LINGO2: variants seen among roughly 807,000 people sequenced by gnomAD.
LINGO2 encodes leucine-rich repeat and immunoglobulin-like domain-containing nogo receptor-interacting protein 2.
Under a neutral mutation model 30.6 loss-of-function variants are expected in LINGO2, and 14 were observed. The observed-to-expected ratio is 0.46, with a 90% CI of 0.30 to 0.72. The LOEUF (loss-of-function observed/expected upper bound fraction) is 0.72. LINGO2 is among the 30% of genes least tolerant of loss of function. The probability of loss-of-function intolerance (pLI) is 0.07; values close to 1 mark genes in which losing one functional copy is unlikely to be tolerated. For missense variants in LINGO2, 729 were observed against 751.7 expected (o/e 0.97, Z 0.35); for synonymous variants, 317 against 288.5 (o/e 1.10, Z -1.00).
At chr9:28,847,501 T>C in the LINGO2 span, among the ~76,000 whole-genome samples, 1 of 146,970 alleles carries the variant, frequency 6.8e-6, no homozygotes, top group Non-Finnish European at 1.5e-5. Context: ...GATCATGTCT[T>C]TTCTTCCTTC....
intron 2 of LINGO2, among the ~76,000 whole-genome samples, chr9:28,386,000 T>G (rs367608169): frequency 1.3e-5 from 2 of 152,176 alleles, no homozygotes; most frequent in East Asian, 3.9e-4. Flanking sequence ...AGCAGATAAT[T>G]GCCTTTGAGA....
At chr9:28,400,852 A>G (rs1342713584) in intron 2 of LINGO2, among the ~76,000 whole-genome samples, 1 of 152,292 alleles carries the variant, frequency 6.6e-6, no homozygotes, top group South Asian at 2.1e-4. Flanking sequence ...AATTCAACAT[A>G]TGAGGGTGTT....
the LINGO2 span, among the ~76,000 whole-genome samples, chr9:29,117,173 A>T: frequency 6.6e-6 from 1 of 152,186 alleles, no homozygotes; most frequent in Admixed American, 6.5e-5. Context: ...TGTAACATAA[A>T]TGATTGTTGA....
the LINGO2 span, among the ~76,000 whole-genome samples, chr9:29,065,593 A>G: frequency 6.6e-6 from 1 of 151,950 alleles, no homozygotes; most frequent in Admixed American, 6.6e-5. Flanking sequence ...ATGTGGCTAT[A>G]TTTCTTAACC....
At chr9:28,721,729 C>A in the LINGO2 span, among the ~76,000 whole-genome samples, 1 of 151,778 alleles carries the variant, frequency 6.6e-6, no homozygotes, top group Non-Finnish European at 1.5e-5. Context: ...AAAACCTAGA[C>A]AACCAGTTGA....
At chr9:27,953,005 A>G (rs1416975900) in intron 5 of LINGO2, among the ~76,000 whole-genome samples, 1 of 152,156 alleles carries the variant, frequency 6.6e-6, no homozygotes, top group Non-Finnish European at 1.5e-5. Context: ...ATAGAAAATT[A>G]GGAAATGAGT....
chr9:28,887,983 T>A, the LINGO2 span, among the ~76,000 whole-genome samples: 3 of 152,120 alleles, frequency 2.0e-5, no homozygotes, highest in Non-Finnish European at 4.4e-5. Flanking sequence ...ATGTAAGAAC[T>A]TCATTGAATG....
chr9:28,296,332 A>G (rs1260900949), intron 3 of LINGO2, among the ~76,000 whole-genome samples: 2 of 152,150 alleles, frequency 1.3e-5, no homozygotes, highest in Admixed American at 6.5e-5. Flanking sequence ...TTTTATAACT[A>G]TAACAACCAT....
intron 4 of LINGO2, among the ~76,000 whole-genome samples, chr9:28,052,071 G>A (rs1193871186): frequency 1.3e-5 from 2 of 152,058 alleles, no homozygotes; most frequent in Non-Finnish European, 2.9e-5. Flanking sequence ...ATGCTAAGGA[G>A]CTTTGAATTT....
intron 4 of LINGO2, among the ~76,000 whole-genome samples, chr9:28,222,395 C>A (rs1012710889): frequency 6.6e-6 from 1 of 151,894 alleles, no homozygotes; most frequent in Non-Finnish European, 1.5e-5. Context: ...AATCGAATAC[C>A]TATATGTGCT....
chr9:28,655,588 A>G (rs1828300437), intron 1 of LINGO2, among the ~76,000 whole-genome samples: 1 of 152,136 alleles, frequency 6.6e-6, no homozygotes, highest in Admixed American at 6.6e-5. Context: ...CTCATCTTGA[A>G]TTGTACTTCC....
chr9:28,048,579 G>A (rs1488656529), intron 4 of LINGO2, among the ~76,000 whole-genome samples: 6 of 150,482 alleles, frequency 4.0e-5, no homozygotes, highest in Admixed American at 2.7e-4. Context: ...TACCTCTTTT[G>A]GACAGTAATT....
the LINGO2 span, among the ~76,000 whole-genome samples, chr9:29,007,649 A>G: frequency 6.6e-6 from 1 of 151,808 alleles, no homozygotes; most frequent in East Asian, 1.9e-4. Flanking sequence ...CTCAACCAAT[A>G]CTCTCAGAAA....
chr9:28,229,937 A>G (rs1821299868), intron 4 of LINGO2, among the ~76,000 whole-genome samples: 1 of 151,880 alleles, frequency 6.6e-6, no homozygotes, highest in Non-Finnish European at 1.5e-5. Context: ...AACTTGTACA[A>G]AGGAGCTGAT....
At chr9:28,867,861 T>C in the LINGO2 span, among the ~76,000 whole-genome samples, 1 of 152,078 alleles carries the variant, frequency 6.6e-6, no homozygotes, top group Non-Finnish European at 1.5e-5. Context: ...GAAAATTAGG[T>C]AAAAACATAA....
At chr9:29,126,408 C>A in the LINGO2 span, among the ~76,000 whole-genome samples, 1 of 152,016 alleles carries the variant, frequency 6.6e-6, no homozygotes. Flanking sequence ...GTGTGTGACA[C>A]ACAAAAATAA....
intron 4 of LINGO2, among the ~76,000 whole-genome samples, chr9:28,227,203 A>G (rs1006905930): frequency 6.6e-6 from 1 of 152,124 alleles, no homozygotes; most frequent in African/African-American, 2.4e-5. Context: ...ATGCAAATCC[A>G]ATAGGAGCTG....
chr9:29,063,177 T>C, the LINGO2 span, among the ~76,000 whole-genome samples: 1 of 152,148 alleles, frequency 6.6e-6, no homozygotes, highest in African/African-American at 2.4e-5. Context: ...CTGGGAATTA[T>C]GGTGAGAACC....
chr9:28,351,422 C>T (rs1367894424), intron 3 of LINGO2, among the ~76,000 whole-genome samples: 2 of 151,654 alleles, frequency 1.3e-5, no homozygotes, highest in Non-Finnish European at 2.9e-5. Context: ...AATTCCTCGA[C>T]ACATACGCTC....
Sources: allele counts gnomAD v4.1 joint callset (sites outside exome capture counted in the v4.1 genomes callset), GRCh38; gene constraint gnomAD v4.1.1; transcripts MANE v1.5; gene names NCBI Gene and HGNC (gene_info 2026-07-23, HGNC 2026-07-21).